HHLA2: variants seen among roughly 807,000 people sequenced by gnomAD.
HHLA2 encodes the protein HERV-H LTR-associating protein 2.
In HHLA2, 48 loss-of-function variants were observed where a neutral mutation model predicts 45.9. The ratio of observed to expected loss-of-function variants is 1.05; its 90% CI spans 0.83 to 1.33. The LOEUF (loss-of-function observed/expected upper bound fraction) is 1.33. HHLA2 is among the 40% of genes most tolerant of loss of function. The pLI, the probability that HHLA2 is intolerant of heterozygous loss-of-function variation, is 0.00. For synonymous variants in HHLA2, 161 were observed against 173.9 expected (o/e 0.93, Z 0.59); for missense variants, 462 against 494.3 (o/e 0.93, Z 0.62).
At chr3:108,301,055 T>C (rs2080840362) in intron 1 of HHLA2, among the ~76,000 whole-genome samples, 1 of 152,184 alleles carries the variant, frequency 6.6e-6, no homozygotes. Context: ...GAATTATACA[T>C]GCACAATATC....
chr3:108,317,421 C>T (rs1276570339), intron 2 of HHLA2, among the ~76,000 whole-genome samples: 2 of 152,116 alleles, frequency 1.3e-5, no homozygotes, highest in Non-Finnish European at 2.9e-5. Context: ...GAGGACTGAG[C>T]AGCAGTGAGG....
At chr3:108,349,220 A>AAAG (rs1553755543) in intron 3 of HHLA2, among the ~76,000 whole-genome samples, 9 of 151,716 alleles carry the variant, frequency 5.9e-5, no homozygotes, top group African/African-American at 7.2e-5. Flanking sequence ...TTAAAAAAAA[A>AAAG]AATCAACAAA....
chr3:108,320,994 A>G (rs2081189738), intron 2 of HHLA2, among the ~76,000 whole-genome samples: 1 of 151,512 alleles, frequency 6.6e-6, no homozygotes. Flanking sequence ...TTTAGGCAGC[A>G]GGACCTGGAA....
intron 1 of HHLA2, among the ~76,000 whole-genome samples, chr3:108,299,936 A>G (rs2080823252): frequency 6.6e-6 from 1 of 152,174 alleles, no homozygotes; most frequent in Non-Finnish European, 1.5e-5. Context: ...CGAGAGTCCC[A>G]GCTTTATTTT....
At chr3:108,370,089 G>A (rs971046525) in intron 8 of HHLA2, among the ~76,000 whole-genome samples, 3 of 152,182 alleles carry the variant, frequency 2.0e-5, no homozygotes, top group African/African-American at 7.2e-5. Flanking sequence ...ACCTCACACG[G>A]CCGGGTACTC....
chr3:108,305,959 C>T (rs1351139299), intron 1 of HHLA2, among the ~76,000 whole-genome samples: 1 of 152,182 alleles, frequency 6.6e-6, no homozygotes, highest in Non-Finnish European at 1.5e-5. Context: ...GGATCATCAC[C>T]ACCTTTGTGT....
chr3:108,307,920 G>T (rs1226488544), intron 1 of HHLA2, among the ~76,000 whole-genome samples: 1 of 152,026 alleles, frequency 6.6e-6, no homozygotes, highest in Non-Finnish European at 1.5e-5. Flanking sequence ...TGAGATACAT[G>T]AAATGTTTTA....
At chr3:108,331,001 A>G (rs1414617846) in intron 3 of HHLA2, among the ~76,000 whole-genome samples, 5 of 152,200 alleles carry the variant, frequency 3.3e-5, no homozygotes, top group Non-Finnish European at 5.9e-5. Flanking sequence ...AAGTGCTGTT[A>G]GAGGGACAAG....
intron 8 of HHLA2, among the ~76,000 whole-genome samples, chr3:108,370,382 CAG>C (rs1434110366): frequency 4.6e-5 from 7 of 152,220 alleles, no homozygotes; most frequent in East Asian, 1.9e-4. Context: ...GGGGAAAAAA[CAG>C]AGCAGAAAAA....
intron 3 of HHLA2, among the ~76,000 whole-genome samples, chr3:108,337,116 C>G (rs2081485622): frequency 6.6e-6 from 1 of 152,044 alleles, no homozygotes; most frequent in Non-Finnish European, 1.5e-5. Context: ...CTGTTTATTA[C>G]TGGTTCATGA....
intron 1 of HHLA2, among the ~76,000 whole-genome samples, chr3:108,306,032 C>T (rs2080923634): frequency 6.6e-6 from 1 of 152,168 alleles, no homozygotes; most frequent in African/African-American, 2.4e-5. Flanking sequence ...TGATTGAGCA[C>T]AGTGGCAAGG....
chr3:108,311,530 T>C (rs2081017961), intron 2 of HHLA2, among the ~76,000 whole-genome samples: 1 of 152,184 alleles, frequency 6.6e-6, no homozygotes, highest in African/African-American at 2.4e-5. Flanking sequence ...TTCTTGATAC[T>C]ACCTTCAAAA....
chr3:108,338,423 A>G lies in HHLA2; in HGVS notation c.-27+10076A>G, dbSNP rs1157519263. On this transcript the variant is annotated intron_variant, in intron 3 of 10. Transcript: ENST00000619531. ...CTGGGGAAGTTTGTAGAATTGAATTAAGAAGCATGGGAACCAAGTTATGAG... is the reference window on the plus strand; with the variant it reads ...CTGGGGAAGTTTGTAGAATTGAATTGAGAAGCATGGGAACCAAGTTATGAG... Among the ~76,000 whole-genome samples, 6 of 152,146 alleles carry G rather than the reference A, an allele frequency of 3.9e-5. 1 individual carries two copies. The highest frequency in any genetic ancestry group is 1.4e-4 in the African/African-American group (6 of 41,432).
chr3:108,374,274 A>C (rs1229431721), intron 8 of HHLA2, among the ~76,000 whole-genome samples: 1 of 151,486 alleles, frequency 6.6e-6, no homozygotes, highest in African/African-American at 2.4e-5. Flanking sequence ...CTGGCTAGCC[A>C]TATGTAGAAA....
chr3:108,362,913 C>T (rs1339691603), intron 8 of HHLA2, among the ~76,000 whole-genome samples: 3 of 152,126 alleles, frequency 2.0e-5, no homozygotes, highest in Non-Finnish European at 4.4e-5. Flanking sequence ...TCCTTACCCT[C>T]ACACCTCAGA....
chr3:108,356,266 G>A (rs997428411), intron 6 of HHLA2, among the ~76,000 whole-genome samples: 2 of 151,962 alleles, frequency 1.3e-5, no homozygotes, highest in African/African-American at 4.8e-5. Flanking sequence ...TTCTGACCTC[G>A]TGATCCACCC....
chr3:108,347,924 C>G (rs6764455), intron 3 of HHLA2, among the ~76,000 whole-genome samples: 1 of 151,716 alleles, frequency 6.6e-6, no homozygotes, highest in Non-Finnish European at 1.5e-5. Flanking sequence ...AGGATAGTTT[C>G]TGCTGTTTTG....
chr3:108,355,281 T>TAAC, exon 6 of HHLA2: 9 of 1,613,868 alleles, frequency 5.6e-6, no homozygotes, highest in Non-Finnish European at 6.8e-6. Context: ...CTTTTTCTAT[T>TAAC]AACAGCCCAC....
chr3:108,356,515 C>T (rs1296809123), intron 6 of HHLA2, among the ~76,000 whole-genome samples: 2 of 152,160 alleles, frequency 1.3e-5, no homozygotes, highest in East Asian at 3.9e-4. Context: ...GTGTTAAAGG[C>T]ATGAGTACCC....
Sources: gnomAD v4.1 joint callset for allele counts (sites outside exome capture counted in the v4.1 genomes callset) on GRCh38, gnomAD v4.1.1 for gene constraint, MANE v1.5 for transcripts, NCBI Gene and HGNC (gene_info 2026-07-23, HGNC 2026-07-21) for gene names.